Variants in ZEB1 observed in about 807,000 individuals in gnomAD.
The protein encoded by ZEB1 is zinc finger E-box-binding homeobox 1.
A neutral mutation model predicts 84.9 loss-of-function variants in ZEB1; 21 were observed. The observed-to-expected ratio is 0.25, with a 90% CI of 0.18 to 0.36. The LOEUF is 0.36. ZEB1 is among the 10% of genes least tolerant of loss of function. ZEB1 has a pLI of 1.00. For missense variants in ZEB1, 1,104 were observed against 1,330.2 expected (o/e 0.83, Z 2.65); for synonymous variants, 420 against 471.1 (o/e 0.89, Z 1.41).
intron 2 of ZEB1, 87 bp from the exon 3 acceptor site, chr10:31,495,689 A>G: frequency 7.4e-7 from 1 of 1,357,312 alleles, no homozygotes; most frequent in Admixed American, 1.7e-5. Flanking sequence ...AGATCAGAGT[A>G]ATTGGGATAT....
At chr10:31,497,606 C>G (rs2067433072) in intron 3 of ZEB1, among the ~76,000 whole-genome samples, 2 of 152,080 alleles carry the variant, frequency 1.3e-5, no homozygotes, top group Non-Finnish European at 2.9e-5. Context: ...AAAATGATGT[C>G]CTGCCTTTGC....
chr10:31,402,172 A>T (rs922429958), intron 1 of ZEB1, among the ~76,000 whole-genome samples: 4 of 152,060 alleles, frequency 2.6e-5, no homozygotes, highest in African/African-American at 9.7e-5. Flanking sequence ...TAAGGAAGAA[A>T]GGCCAAGGAG....
intron 1 of ZEB1, among the ~76,000 whole-genome samples, chr10:31,367,065 C>A (rs1205508797): frequency 6.6e-6 from 1 of 152,106 alleles, no homozygotes; most frequent in Non-Finnish European, 1.5e-5. Flanking sequence ...CCCGGGACCT[C>A]TTACTTATTT....
intron 1 of ZEB1, among the ~76,000 whole-genome samples, chr10:31,332,684 C>T (rs1453049313): frequency 6.6e-6 from 1 of 152,116 alleles, no homozygotes; most frequent in African/African-American, 2.4e-5. Flanking sequence ...ATGCTGTATA[C>T]TACAAGATAG....
At chr10:31,437,473 TTCA>T (rs2058426198) in intron 1 of ZEB1, among the ~76,000 whole-genome samples, 1 of 152,232 alleles carries the variant, frequency 6.6e-6, no homozygotes, top group Non-Finnish European at 1.5e-5. Context: ...TTTTTAATAC[TTCA>T]TCAGGAAATA....
chr10:31,440,663 G>A (rs1016676636), intron 1 of ZEB1, among the ~76,000 whole-genome samples: 4 of 152,148 alleles, frequency 2.6e-5, no homozygotes, highest in African/African-American at 4.8e-5. Context: ...AAACCCCATT[G>A]TCTCAGCCCA....
chr10:31,519,190 G>T (rs1447387730), intron 6 of ZEB1, among the ~76,000 whole-genome samples: 2 of 152,176 alleles, frequency 1.3e-5, no homozygotes, highest in Admixed American at 6.5e-5. Flanking sequence ...CCTTACTGAA[G>T]CTTATAGTCT....
At chr10:31,378,993 T>A (rs998408101) in intron 1 of ZEB1, among the ~76,000 whole-genome samples, 1 of 152,072 alleles carries the variant, frequency 6.6e-6, no homozygotes, top group Non-Finnish European at 1.5e-5. Flanking sequence ...TTGATACATA[T>A]ACCTATCATT....
Position 31,521,129 on chromosome 10 carries a change from A to T in ZEB1, c.1797A>T (p.Ala599=), listed in dbSNP as rs369994958. Reference sequence around the variant, plus strand: ...AGAACCTCTTGTCTCTCCTAAAAGCATATTATGCTTTGAATGCACAACCAA... The same window carrying T: ...AGAACCTCTTGTCTCTCCTAAAAGCTTATTATGCTTTGAATGCACAACCAA... ...PLKNLLSLLK[A]YYALNAQPSA... The change falls in exon 7 of 9, where the codon GCA becomes GCT. Residue 599 remains alanine (A), a synonymous_variant. Coordinates refer to ENST00000424869, the MANE Select transcript of ZEB1 (RefSeq NM_001174096.2). The T allele has an allele frequency of 1.5e-5, 25 of 1,613,988 alleles. No homozygotes were observed. Among genetic ancestry groups the T allele is most frequent in the Non-Finnish European group, 2.1e-5 (25 of 1,180,020 alleles).
chr10:31,362,881 AT>A (rs1564592984), intron 1 of ZEB1: 1 of 1,335,610 alleles, frequency 7.5e-7, no homozygotes, highest in Admixed American at 2.0e-5. Context: ...GAATTTTGAT[AT>A]TCTACTTAAC....
intron 1 of ZEB1, chr10:31,321,142 C>T: frequency 3.8e-6 from 4 of 1,039,746 alleles, no homozygotes; most frequent in Non-Finnish European, 3.5e-6. Flanking sequence ...CCCTTTCTCC[C>T]TCCCCTCTGG....
intron 4 of ZEB1, among the ~76,000 whole-genome samples, chr10:31,505,250 T>G (rs220056): frequency 0.75 from 114,706 of 151,972 alleles, 49,052 homozygotes; most frequent in Non-Finnish European, 0.95. Flanking sequence ...ATAGTTTTCC[T>G]TTTTTTGTTT....
intron 2 of ZEB1, among the ~76,000 whole-genome samples, chr10:31,493,504 A>G (rs142043169): frequency 1.6e-4 from 25 of 152,106 alleles, no homozygotes; most frequent in African/African-American, 5.8e-4. Flanking sequence ...TAATCTGTTG[A>G]CATTATTACG....
rs565191996 is a variant in ZEB1, at chr10:31,319,443, C to G, written c.58+151C>G. 6.9e-6 allele frequency: 5 copies of G among 728,888 alleles called. No individual in the cohort carries two copies. The Admixed American group carries it at 1.4e-4, about 20-fold the overall frequency. The allele number at this position is 728,888 out of a possible 1,614,324, so 45.2% of individuals were successfully genotyped here. A position where few individuals can be genotyped will look rare whatever the true frequency, so the allele number is the denominator to read the frequency against. On this transcript the variant is annotated intron_variant, in intron 1 of 8. Coordinates refer to ENST00000424869, the MANE Select transcript of ZEB1 (RefSeq NM_001174096.2). ...GAAAGTAGAAAGTAGTGCTCTCTGCCCCCCTCCGCTGCCGCCGCTGCCGGA... is the reference window on the plus strand; with the variant it reads ...GAAAGTAGAAAGTAGTGCTCTCTGCGCCCCTCCGCTGCCGCCGCTGCCGGA...
At chr10:31,328,825 C>T (rs1346773744) in intron 1 of ZEB1, among the ~76,000 whole-genome samples, 1 of 151,978 alleles carries the variant, frequency 6.6e-6, no homozygotes, top group African/African-American at 2.4e-5. Context: ...AACTCAAGTC[C>T]AAGGAATAAA....
At chr10:31,333,240 C>T (rs2133324160) in intron 1 of ZEB1, among the ~76,000 whole-genome samples, 1 of 152,212 alleles carries the variant, frequency 6.6e-6, no homozygotes, top group African/African-American at 2.4e-5. Context: ...TTCATTTTCA[C>T]CTGAGTTGTA....
intron 2 of ZEB1, among the ~76,000 whole-genome samples, chr10:31,467,078 C>T (rs2062526231): frequency 6.6e-6 from 1 of 152,138 alleles, no homozygotes; most frequent in South Asian, 2.1e-4. Context: ...TAGGAAGCAA[C>T]ACTGCTGGCT....
intron 2 of ZEB1, among the ~76,000 whole-genome samples, chr10:31,477,608 A>G (rs1480283972): frequency 6.6e-6 from 1 of 152,112 alleles, no homozygotes; most frequent in East Asian, 1.9e-4. Context: ...ACTTCAGATT[A>G]TACTACAAGG....
rs775270565 is a variant in ZEB1, at chr10:31,461,047, T to C, written c.69T>C (p.Tyr23=). 9.9e-6 allele frequency: 16 copies of C among 1,612,330 alleles called. No homozygotes were observed. The highest frequency in any genetic ancestry group is 1.1e-5 in the Non-Finnish European group (13 of 1,178,830). Residue 23 remains tyrosine (Y), a synonymous_variant, in exon 2 of 9, where the codon TAT becomes TAC. Coordinates refer to ENST00000424869, the MANE Select transcript of ZEB1 (RefSeq NM_001174096.2). ...ANPRRNNVTN[Y]NTVVETNSDS... is the part of the protein sequence containing the mutation. ...TTGTTTGTATTACAGTTACAAATTA[T>C]AATACTGTGGTAGAAACAAATTCAG...
Sources: gnomAD v4.1 joint callset for allele counts (sites outside exome capture counted in the v4.1 genomes callset) on GRCh38, gnomAD v4.1.1 for gene constraint, MANE v1.5 for transcripts, NCBI Gene and HGNC (gene_info 2026-07-23, HGNC 2026-07-21) for gene names.